The following CSTPP1 variants were observed in gnomAD, a reference collection of about 807,000 sequenced individuals.
CSTPP1 encodes the protein UPF0705 protein C11orf49.
At chr11:47,151,507 G>A in the CSTPP1 span, among the ~76,000 whole-genome samples, 2 of 151,974 alleles carry the variant, frequency 1.3e-5, no homozygotes, top group African/African-American at 2.4e-5. Context: ...GGCTGTGGAC[G>A]TGGAAAGAAG....
the CSTPP1 span, among the ~76,000 whole-genome samples, chr11:46,966,154 T>C: frequency 6.6e-6 from 1 of 152,166 alleles, no homozygotes; most frequent in Non-Finnish European, 1.5e-5. Flanking sequence ...GTGATTCTCC[T>C]GCCTCAGCCT....
At chr11:47,067,494 T>C in the CSTPP1 span, among the ~76,000 whole-genome samples, 3 of 152,078 alleles carry the variant, frequency 2.0e-5, no homozygotes, top group Non-Finnish European at 2.9e-5. Context: ...AAATTAAGGT[T>C]AAGAGAGGTG....
At chr11:47,062,519 TA>T in the CSTPP1 span, among the ~76,000 whole-genome samples, 1 of 152,220 alleles carries the variant, frequency 6.6e-6, no homozygotes, top group Middle Eastern at 3.2e-3. Context: ...AGTTCATGTT[TA>T]AAGTGTTCCA....
chr11:46,967,620 A>G, the CSTPP1 span, among the ~76,000 whole-genome samples: 1 of 152,088 alleles, frequency 6.6e-6, no homozygotes, highest in Non-Finnish European at 1.5e-5. Flanking sequence ...ATGAAGAATA[A>G]TATTAGACTC....
the CSTPP1 span, among the ~76,000 whole-genome samples, chr11:47,095,718 G>A: frequency 1.6e-3 from 251 of 152,188 alleles, 2 homozygotes; most frequent in African/African-American, 5.9e-3. Context: ...AATTCCTAGC[G>A]CTTTTCAACT....
At chr11:46,974,988 TAAAG>T in the CSTPP1 span, among the ~76,000 whole-genome samples, 15 of 147,032 alleles carry the variant, frequency 1.0e-4, no homozygotes, top group African/African-American at 3.8e-4. Context: ...AATATTAAAA[TAAAG>T]AAAAAAAAGT....
chr11:47,110,811 C>A, the CSTPP1 span, among the ~76,000 whole-genome samples: 1 of 152,122 alleles, frequency 6.6e-6, no homozygotes, highest in African/African-American at 2.4e-5. Context: ...GGCCCTGAAG[C>A]CCCTTCAGTC....
At chr11:46,984,738 A>G in the CSTPP1 span, among the ~76,000 whole-genome samples, 1 of 151,724 alleles carries the variant, frequency 6.6e-6, no homozygotes, top group African/African-American at 2.4e-5. Flanking sequence ...CATTTCTACC[A>G]TCAAAAAGAA....
chr11:46,965,471 C>T, the CSTPP1 span, among the ~76,000 whole-genome samples: 4 of 152,038 alleles, frequency 2.6e-5, no homozygotes, highest in Middle Eastern at 3.2e-3. Context: ...GTGATCTGCC[C>T]GCCTGGGCCT....
the CSTPP1 span, among the ~76,000 whole-genome samples, chr11:47,027,927 C>CTT: frequency 3.4e-3 from 452 of 133,974 alleles, 5 homozygotes; most frequent in East Asian, 8.3e-3. Flanking sequence ...TTTTTTTTTT[C>CTT]TTTTTTTTTT....
the CSTPP1 span, among the ~76,000 whole-genome samples, chr11:46,977,595 A>G: frequency 6.6e-6 from 1 of 152,256 alleles, no homozygotes; most frequent in Non-Finnish European, 1.5e-5. Flanking sequence ...AGAGCACAAC[A>G]GAACCTTTGT....
chr11:47,001,975 C>T, the CSTPP1 span, among the ~76,000 whole-genome samples: 1 of 152,112 alleles, frequency 6.6e-6, no homozygotes, highest in African/African-American at 2.4e-5. Flanking sequence ...CATGTTTTCT[C>T]TACTTATTTA....
At chr11:47,026,142 A>G in the CSTPP1 span, among the ~76,000 whole-genome samples, 1 of 152,232 alleles carries the variant, frequency 6.6e-6, no homozygotes, top group African/African-American at 2.4e-5. Flanking sequence ...AGAAAGAAAT[A>G]ACAGATGACA....
chr11:47,043,998 TA>T, the CSTPP1 span, among the ~76,000 whole-genome samples: 16 of 152,290 alleles, frequency 1.1e-4, no homozygotes, highest in East Asian at 2.5e-3. Context: ...TTTATTTATT[TA>T]TTTTTGAGAT....
the CSTPP1 span, among the ~76,000 whole-genome samples, chr11:47,062,412 C>G: frequency 2.0e-5 from 3 of 152,216 alleles, no homozygotes; most frequent in South Asian, 4.1e-4. Flanking sequence ...TTTTTAAAAT[C>G]TGCTTTACAC....
chr11:46,962,536 T>G, the CSTPP1 span, among the ~76,000 whole-genome samples: 1 of 152,234 alleles, frequency 6.6e-6, no homozygotes, highest in Non-Finnish European at 1.5e-5. Flanking sequence ...GTGTGCCATT[T>G]AACAATATTA....
chr11:47,101,382 G>A, the CSTPP1 span, among the ~76,000 whole-genome samples: 2 of 151,038 alleles, frequency 1.3e-5, no homozygotes, highest in African/African-American at 4.9e-5. Flanking sequence ...TATTTGACTT[G>A]CCAACCTCTA....
chr11:47,111,497 T>C, the CSTPP1 span, among the ~76,000 whole-genome samples: 6 of 152,132 alleles, frequency 3.9e-5, no homozygotes, highest in Admixed American at 1.3e-4. Flanking sequence ...CTCCATTGCT[T>C]TCTCTCTTAT....
chr11:47,156,916 C>A, the CSTPP1 span: 6 of 1,154,530 alleles, frequency 5.2e-6, no homozygotes, highest in Non-Finnish European at 7.3e-6. Context: ...AGCACTGAGG[C>A]TGGTGTGGAA....
Sources: gnomAD v4.1 joint callset for allele counts (sites outside exome capture counted in the v4.1 genomes callset) on GRCh38, gnomAD v4.1.1 for gene constraint, MANE v1.5 for transcripts, NCBI Gene and HGNC (gene_info 2026-07-23, HGNC 2026-07-21) for gene names.